ZFYVE28: variants seen among roughly 807,000 people sequenced by gnomAD.
ZFYVE28 encodes the protein lateral signaling target protein 2 homolog.
A neutral mutation model predicts 82.1 loss-of-function variants in ZFYVE28; 40 were observed. The observed-to-expected ratio is 0.49, with a 90% CI of 0.38 to 0.63. ZFYVE28 has a LOEUF of 0.63. ZFYVE28 is among the 30% of genes least tolerant of loss of function. The pLI, the probability that ZFYVE28 is intolerant of heterozygous loss-of-function variation, is 0.00. For missense variants in ZFYVE28, 1,321 were observed against 1,242.1 expected (o/e 1.06, Z -0.96); for synonymous variants, 612 against 546.1 (o/e 1.12, Z -1.68).
chr4:2,286,179 G>C (rs377520826), intron 8 of ZFYVE28: 48 of 152,518 alleles, frequency 3.1e-4, no homozygotes, highest in African/African-American at 1.1e-3. Flanking sequence ...CCCCCTGTAC[G>C]GGCACTGGCT....
intron 8 of ZFYVE28, among the ~76,000 whole-genome samples, chr4:2,290,759 C>A (rs1053132369): frequency 6.6e-6 from 1 of 152,120 alleles, no homozygotes; most frequent in Non-Finnish European, 1.5e-5. Flanking sequence ...TCACCTGGCT[C>A]CTTGCTTCCC....
chr4:2,321,778 G>A (rs1284474667), intron 6 of ZFYVE28, among the ~76,000 whole-genome samples: 1 of 152,072 alleles, frequency 6.6e-6, no homozygotes, highest in Non-Finnish European at 1.5e-5. Context: ...ATAGGACTCA[G>A]TCCCGCAATG....
chr4:2,299,143 C>T (rs538856509), intron 8 of ZFYVE28, among the ~76,000 whole-genome samples: 3 of 152,218 alleles, frequency 2.0e-5, no homozygotes, highest in South Asian at 2.1e-4. Flanking sequence ...ACAGACCAGA[C>T]GGAACATTTT....
rs2108823004 is a variant in ZFYVE28 at position 2,304,547 on chromosome 4, C to T, written c.1793G>A (p.Gly598Asp). 6.2e-7 allele frequency: 1 copy of T among 1,612,748 alleles called. No individual in the cohort carries two copies. The highest frequency in any genetic ancestry group is 8.5e-7 in the Non-Finnish European group (1 of 1,179,864). Residue 598 changes from glycine (G) to aspartate (D), a missense_variant, in exon 8 of 13, where the codon GGC (glycine) becomes GAC (aspartate). Around this residue, in one of 2 missense-constraint regions of ZFYVE28, gnomAD observed 978 missense variants for 833.7 expected, o/e 1.17. Coordinates refer to ENST00000290974, the MANE Select transcript of ZFYVE28 (RefSeq NM_020972.3). ...GGCCCTGTCGCTGGCCTTGGCTAAG[C>T]CGGCAGCGTACGAGGCACCAATGAC... The part of the protein sequence containing the change: ...GGVIGASYAA[G>D]LAKASDRAPE...
At chr4:2,406,969 T>C (rs139292760) in intron 1 of ZFYVE28, among the ~76,000 whole-genome samples, 70 of 152,210 alleles carry the variant, frequency 4.6e-4, no homozygotes, top group Middle Eastern at 3.4e-3. Flanking sequence ...TCCAGCCTTA[T>C]TGCAAACCAT....
At chr4:2,272,675 C>T (rs549137381) in intron 10 of ZFYVE28, among the ~76,000 whole-genome samples, 1 of 152,310 alleles carries the variant, frequency 6.6e-6, no homozygotes, top group Admixed American at 6.5e-5. Context: ...GCAGTGGACT[C>T]CTTTCCACCC....
intron 8 of ZFYVE28, among the ~76,000 whole-genome samples, chr4:2,281,927 C>T (rs1173496520): frequency 2.6e-5 from 4 of 152,172 alleles, no homozygotes; most frequent in Admixed American, 6.5e-5. Flanking sequence ...TGGTGCCCAG[C>T]GGGTCCATCC....
chr4:2,327,557 T>C (rs575862569), intron 6 of ZFYVE28, among the ~76,000 whole-genome samples: 6 of 151,454 alleles, frequency 4.0e-5, no homozygotes, highest in East Asian at 1.9e-4. Context: ...AGGCACATTC[T>C]TTCTTTTTTT....
intron 6 of ZFYVE28, among the ~76,000 whole-genome samples, chr4:2,334,630 C>G (rs146840832): frequency 1.3e-5 from 2 of 151,594 alleles, no homozygotes; most frequent in Non-Finnish European, 3.0e-5. Context: ...CCACCCCCCA[C>G]TCCCCGACCA....
chr4:2,396,673 C>A lies in ZFYVE28; in HGVS notation c.39+21612G>T, dbSNP rs6826024. Among the ~76,000 whole-genome samples the A allele has an allele frequency of 5.5e-3, 69 of 12,650 alleles. 14 individuals are homozygous for A. The highest frequency in any genetic ancestry group is 0.052 in the African/African-American group (39 of 748). The allele number at this position is 12,650 out of a possible 152,430, so 8.3% of individuals were successfully genotyped here. A position where few individuals can be genotyped will look rare whatever the true frequency, so the allele number is the denominator to read the frequency against. On this transcript the variant is annotated intron_variant, in intron 1 of 12. Coordinates refer to ENST00000290974, the MANE Select transcript of ZFYVE28 (RefSeq NM_020972.3). Reference sequence around the variant, plus strand: ...TGGGACCAGCCATCCTGCAGAGGGGCCACAAGGCGGGGTGTCTGAGCTGAT... The same window carrying A: ...TGGGACCAGCCATCCTGCAGAGGGGACACAAGGCGGGGTGTCTGAGCTGAT...
At chr4:2,301,351 C>T (rs904474594) in intron 8 of ZFYVE28, among the ~76,000 whole-genome samples, 3 of 152,220 alleles carry the variant, frequency 2.0e-5, no homozygotes, top group Admixed American at 6.5e-5. Context: ...CAGCTACCTC[C>T]GGGCACAGTG....
At position 2,372,458 on chromosome 4, in the gene ZFYVE28, A is replaced by T. The variant is rs1199014435; in HGVS notation, c.40-18385T>A. 4.4e-5 allele frequency among the ~76,000 whole-genome samples: 5 copies of T among 113,782 alleles called. No homozygotes were observed. The highest frequency in any genetic ancestry group is 1.4e-4 in the African/African-American group (4 of 29,452). 74.6% of individuals were successfully genotyped at this position (113,782 alleles called of 152,430 possible). A position where few individuals can be genotyped will look rare whatever the true frequency, so the allele number is the denominator to read the frequency against. On this transcript the variant is annotated intron_variant, in intron 1 of 12. Transcript: ENST00000290974. This position sits in a 1 kb window ranked among gnomAD's most constrained non-coding sequence, Gnocchi z 5.2. Reference sequence around the variant, plus strand: ...GGTCTTTGGCCTCAAGGTTCACCCAACACCTGACTCACCCGATTCGGGTCT... The same window carrying T: ...GGTCTTTGGCCTCAAGGTTCACCCATCACCTGACTCACCCGATTCGGGTCT...
In ZFYVE28 at chr4:2,304,897, G is replaced by A; in HGVS notation, c.1443C>T (p.Cys481=). 2 of 1,612,716 alleles carry A rather than the reference G, an allele frequency of 1.2e-6. No individual in the cohort carries two copies. Among genetic ancestry groups the A allele is most frequent in the Non-Finnish European group, 1.7e-6 (2 of 1,179,870 alleles). The part of the protein sequence containing the change: ...ASLAGTSSCS[C]LDSRLHLDGW... ...CGTCCAGGTGCAGCCGCGAGTCCAGGCAGCTGCAGGAGCTGGTGCCCGCGA... is the reference window on the plus strand; with the variant it reads ...CGTCCAGGTGCAGCCGCGAGTCCAGACAGCTGCAGGAGCTGGTGCCCGCGA... Residue 481 remains cysteine, a synonymous_variant, in exon 8 of 13, where the codon TGC becomes TGT. Coordinates refer to ENST00000290974, the MANE Select transcript of ZFYVE28 (RefSeq NM_020972.3).
Position 2,372,835 on chromosome 4 carries a change from A to G in ZFYVE28, c.40-18762T>C, listed in dbSNP as rs3128802. ...CCTAGCCTCCCCGAGGCCTCTCCCC[A>G]TGGCTGACTCACTGCAGCCTGGACC... On this transcript the variant is annotated intron_variant, in intron 1 of 12. Coordinates refer to ENST00000290974, the MANE Select transcript of ZFYVE28 (RefSeq NM_020972.3). This position sits in a 1 kb window ranked among gnomAD's most constrained non-coding sequence, Gnocchi z 5.2. 0.67 allele frequency among the ~76,000 whole-genome samples: 101,583 copies of G among 151,932 alleles called. 34,294 individuals are homozygous for G. Among genetic ancestry groups the G allele is most frequent in the East Asian group, 0.8 (4,105 of 5,144 alleles).
chr4:2,405,414 G>A (rs11737537), intron 1 of ZFYVE28, among the ~76,000 whole-genome samples: 29,626 of 152,268 alleles, frequency 0.19, 3,013 homozygotes, highest in East Asian at 0.33. Context: ...TTGGATTTCA[G>A]ACGCTGTGGG....
At chr4:2,330,991 G>A (rs1018120139) in intron 6 of ZFYVE28, 2 of 1,534,908 alleles carry the variant, frequency 1.3e-6, no homozygotes, top group Non-Finnish European at 1.7e-6. Context: ...CAACCATCCT[G>A]CAGGCCACGT....
rs1721487941 is a variant in ZFYVE28 at position 2,335,218 on chromosome 4, C to T, written c.701+487G>A. Among the ~76,000 whole-genome samples the T allele has an allele frequency of 6.6e-6, 1 of 152,130 alleles. No homozygotes were observed. Among genetic ancestry groups the T allele is most frequent in the Non-Finnish European group, 1.5e-5 (1 of 67,992 alleles). On this transcript the variant is annotated intron_variant, in intron 6 of 12. Transcript: ENST00000290974. The surrounding 1 kb of genome is among the most constrained non-coding windows in gnomAD (Gnocchi z 5.8). ...CAGCCAGACCAACTGCCCCCACCTG[C>T]CCTTCAACCCAATGTGCTTCACCTC...
At chr4:2,283,537 T>C (rs1712269754) in intron 8 of ZFYVE28, among the ~76,000 whole-genome samples, 2 of 148,358 alleles carry the variant, frequency 1.3e-5, no homozygotes, top group Admixed American at 6.7e-5. Context: ...CATCAGTCCA[T>C]CCATCCATCC....
rs1464330578 is a variant in ZFYVE28, at chr4:2,394,356, T to TC, written c.39+23928dup. On this transcript the variant is annotated intron_variant, in intron 1 of 12. Transcript: ENST00000290974. This position sits in a 1 kb window ranked among gnomAD's most constrained non-coding sequence, Gnocchi z 4.0. ...GCCTGCCGCAGGTGGCACAGCTGGG[T>TC]CACCCACCCCAGCAGCCACGTATGC... is the stretch of plus-strand genomic sequence containing the variant. Among the ~76,000 whole-genome samples the TC allele has an allele frequency of 6.6e-6, 1 of 151,788 alleles. No homozygotes were observed. The highest frequency in any genetic ancestry group is 2.4e-5 in the African/African-American group (1 of 41,260).
Sources: gnomAD v4.1 joint callset for allele counts (sites outside exome capture counted in the v4.1 genomes callset) on GRCh38, gnomAD v4.1.1 for gene constraint, gnomAD v4.1.1 regional missense constraint, Gnocchi (gnomAD v3.1) non-coding constraint, MANE v1.5 for transcripts, NCBI Gene and HGNC (gene_info 2026-07-23, HGNC 2026-07-21) for gene names.